Variants in NEGR1 observed in about 807,000 individuals in gnomAD.
NEGR1 encodes neuronal growth regulator 1, also known as IgLON family member 4.
NEGR1 carries 10 observed loss-of-function variants against 40.9 expected under a neutral mutation model. The ratio of observed to expected loss-of-function variants is 0.24; its 90% CI spans 0.15 to 0.42. The LOEUF (loss-of-function observed/expected upper bound fraction) is 0.42. Ranked by LOEUF, NEGR1 falls within the 10% of genes least tolerant of loss-of-function variation. The pLI, the probability that NEGR1 is intolerant of heterozygous loss-of-function variation, is 1.00. For synonymous variants in NEGR1, 185 were observed against 166.8 expected (o/e 1.11, Z -0.84); for missense variants, 352 against 438.9 (o/e 0.80, Z 1.77).
At chr1:71,832,332 C>T (rs1348426260) in intron 2 of NEGR1, among the ~76,000 whole-genome samples, 1 of 152,006 alleles carries the variant, frequency 6.6e-6, no homozygotes, top group Non-Finnish European at 1.5e-5. Flanking sequence ...GAAAGCTCTT[C>T]ATCAGAGATA....
At chr1:71,627,967 A>C (rs1476169128) in intron 4 of NEGR1, among the ~76,000 whole-genome samples, 3 of 152,078 alleles carry the variant, frequency 2.0e-5, no homozygotes, top group Admixed American at 2.0e-4. Flanking sequence ...ACACAGACCA[A>C]GAGTCTGGAA....
chr1:71,701,382 T>C (rs1390138895), intron 3 of NEGR1, among the ~76,000 whole-genome samples: 1 of 152,008 alleles, frequency 6.6e-6, no homozygotes, highest in East Asian at 1.9e-4. Context: ...GCTACAAGCA[T>C]TCCCTGACTC....
rs1188314586 is a variant in NEGR1, at chr1:72,099,837, TA to T, written c.177-164527del. ...AAAGTACTTTTAGTTGATATAACCT[TA>T]AAAAATAAAAATTTCAATGTATACA... On this transcript the variant is annotated intron_variant, in intron 1 of 6. Coordinates refer to ENST00000357731, the MANE Select transcript of NEGR1 (RefSeq NM_173808.3). Among the ~76,000 whole-genome samples the T allele has an allele frequency of 7.2e-5, 11 of 151,802 alleles. 1 individual carries two copies. The highest frequency in any genetic ancestry group is 1.5e-4 in the Non-Finnish European group (10 of 67,866).
intron 1 of NEGR1, among the ~76,000 whole-genome samples, chr1:72,178,231 T>C (rs1373049887): frequency 1.3e-5 from 2 of 152,088 alleles, no homozygotes; most frequent in South Asian, 2.1e-4. Flanking sequence ...TATTATTTTA[T>C]TGACAGTTAA....
chr1:72,223,940 T>TGCAC (rs1283571231), intron 1 of NEGR1, among the ~76,000 whole-genome samples: 1 of 152,158 alleles, frequency 6.6e-6, no homozygotes, highest in Non-Finnish European at 1.5e-5. Context: ...TATATTGATT[T>TGCAC]GCACCACTGC....
intron 1 of NEGR1, among the ~76,000 whole-genome samples, chr1:72,255,414 G>C (rs148847323): frequency 2.2e-3 from 330 of 152,254 alleles, no homozygotes; most frequent in Non-Finnish European, 3.8e-3. Context: ...TTTACTGAAT[G>C]AATGTATATT....
At chr1:71,498,473 A>G (rs1043941492) in intron 6 of NEGR1, among the ~76,000 whole-genome samples, 7 of 152,136 alleles carry the variant, frequency 4.6e-5, no homozygotes, top group Non-Finnish European at 8.8e-5. Context: ...GTGTAGCAAT[A>G]TAAGTAAGGC....
At chr1:71,995,993 G>A (rs1020751084) in intron 1 of NEGR1, among the ~76,000 whole-genome samples, 19 of 151,906 alleles carry the variant, frequency 1.3e-4, no homozygotes, top group Admixed American at 6.6e-5. Flanking sequence ...ATCTATTTAC[G>A]TACAATTGTT....
chr1:71,752,079 T>C (rs555098114), intron 3 of NEGR1, among the ~76,000 whole-genome samples: 1 of 152,188 alleles, frequency 6.6e-6, no homozygotes, highest in African/African-American at 2.4e-5. Context: ...TACGCTGGAG[T>C]AGTAACCACG....
chr1:72,107,148 C>A (rs1649167075), intron 1 of NEGR1, among the ~76,000 whole-genome samples: 1 of 151,760 alleles, frequency 6.6e-6, no homozygotes, highest in African/African-American at 2.4e-5. Flanking sequence ...TGAAAGACTA[C>A]ATTGAAATGA....
At chr1:71,990,325 A>ATTTAATTTAATT (rs1230573294) in intron 1 of NEGR1, among the ~76,000 whole-genome samples, 2 of 152,142 alleles carry the variant, frequency 1.3e-5, no homozygotes, top group Admixed American at 1.3e-4. Context: ...ATTATTTAAT[A>ATTTAATTTAATT]TTGGTAAGCA....
At chr1:71,833,576 G>A (rs1658913126) in intron 2 of NEGR1, among the ~76,000 whole-genome samples, 1 of 152,064 alleles carries the variant, frequency 6.6e-6, no homozygotes, top group African/African-American at 2.4e-5. Flanking sequence ...ATTTTGAGTT[G>A]GTGGTTCTAG....
intron 4 of NEGR1, among the ~76,000 whole-genome samples, chr1:71,620,855 G>A (rs1650587051): frequency 1.3e-5 from 2 of 151,864 alleles, no homozygotes; most frequent in African/African-American, 2.4e-5. Flanking sequence ...TGCAACAAAC[G>A]TAGCTCTAAC....
At chr1:72,273,843 A>C (rs1655941127) in intron 1 of NEGR1, among the ~76,000 whole-genome samples, 1 of 151,814 alleles carries the variant, frequency 6.6e-6, no homozygotes, top group Non-Finnish European at 1.5e-5. Context: ...TAAAAAAAAA[A>C]ACACTTAAAT....
intron 2 of NEGR1, among the ~76,000 whole-genome samples, chr1:71,904,765 A>G (rs1661231230): frequency 6.6e-6 from 1 of 152,158 alleles, no homozygotes; most frequent in African/African-American, 2.4e-5. Flanking sequence ...GTATCCAGAA[A>G]GAACTCAAAA....
intron 1 of NEGR1, among the ~76,000 whole-genome samples, chr1:72,017,126 ATGTGTGTGTGTGTG>A (rs143863573): frequency 6.8e-6 from 1 of 146,774 alleles, no homozygotes; most frequent in South Asian, 2.1e-4. Flanking sequence ...ATACACATAT[ATGTGTGTGTGTGTG>A]TGTGTGTGTG....
At chr1:72,108,966 C>T (rs56248439) in intron 1 of NEGR1, among the ~76,000 whole-genome samples, 27,191 of 151,540 alleles carry the variant, frequency 0.18, 3,056 homozygotes, top group South Asian at 0.27. Context: ...TTAAAGTCTT[C>T]TCCTGGCTGC....
chr1:71,643,305 G>T (rs1330738665), intron 4 of NEGR1, among the ~76,000 whole-genome samples: 1 of 151,968 alleles, frequency 6.6e-6, no homozygotes, highest in African/African-American at 2.4e-5. Flanking sequence ...GAGACCTTAT[G>T]TATCAGCCAA....
intron 5 of NEGR1, 94 bp downstream of exon 5, chr1:71,610,932 A>C (rs1650229172): frequency 3.1e-6 from 4 of 1,306,840 alleles, no homozygotes; most frequent in Non-Finnish European, 4.3e-6. Context: ...GAATCATTCA[A>C]GCCAGTTAAA....
Sources: gnomAD v4.1 joint callset for allele counts (sites outside exome capture counted in the v4.1 genomes callset) on GRCh38, gnomAD v4.1.1 for gene constraint, MANE v1.5 for transcripts, NCBI Gene and HGNC (gene_info 2026-07-23, HGNC 2026-07-21) for gene names.